The following PPM1B variants were observed in gnomAD, a reference collection of about 807,000 sequenced individuals.
The protein encoded by PPM1B is protein phosphatase 1B.
In PPM1B, 22 loss-of-function variants were observed where a neutral mutation model predicts 43.0. That is an observed-to-expected ratio of 0.51 (90% CI 0.37 to 0.73). The LOEUF (loss-of-function observed/expected upper bound fraction) is 0.73. PPM1B is among the 30% of genes least tolerant of loss of function. PPM1B has a pLI of 0.00. For synonymous variants in PPM1B, 217 were observed against 197.9 expected (o/e 1.10, Z -0.81); for missense variants, 632 against 584.2 (o/e 1.08, Z -0.84).
At chr2:44,205,551 C>G (rs2104153805) in intron 2 of PPM1B, among the ~76,000 whole-genome samples, 1 of 152,144 alleles carries the variant, frequency 6.6e-6, no homozygotes, top group Non-Finnish European at 1.5e-5. Flanking sequence ...TCATGGTTTG[C>G]TGTATATCTT....
At chr2:44,174,240 G>A (rs371443177) in intron 1 of PPM1B, among the ~76,000 whole-genome samples, 4 of 152,062 alleles carry the variant, frequency 2.6e-5, no homozygotes, top group Admixed American at 2.0e-4. Flanking sequence ...TTAAAGTTTA[G>A]AAACATAACA....
intron 1 of PPM1B, among the ~76,000 whole-genome samples, chr2:44,183,304 C>G (rs1444899094): frequency 6.6e-6 from 1 of 152,168 alleles, no homozygotes; most frequent in African/African-American, 2.4e-5. Flanking sequence ...GTATTACTTG[C>G]CAAGTGACAT....
At chr2:44,219,040 G>GTTGAACAGAAAGGT in intron 5 of PPM1B, 1 of 305,774 alleles carries the variant, frequency 3.3e-6, no homozygotes, top group South Asian at 2.7e-5. Context: ...GTTGAGCTGA[G>GTTGAACAGAAAGGT]ATAACCATTT....
intron 1 of PPM1B, among the ~76,000 whole-genome samples, chr2:44,172,217 C>G (rs1019694068): frequency 1.3e-5 from 2 of 151,738 alleles, no homozygotes; most frequent in Non-Finnish European, 2.9e-5. Flanking sequence ...TTTGTTTTTC[C>G]CTTGCTGAAT....
intron 5 of PPM1B, among the ~76,000 whole-genome samples, chr2:44,243,225 G>A (rs1283129145): frequency 6.6e-6 from 1 of 152,120 alleles, no homozygotes; most frequent in Non-Finnish European, 1.5e-5. Context: ...GTATAAGAGA[G>A]CTCTCCTTGG....
intron 1 of PPM1B, among the ~76,000 whole-genome samples, chr2:44,190,888 A>C (rs1668375877): frequency 6.6e-6 from 1 of 152,206 alleles, no homozygotes; most frequent in African/African-American, 2.4e-5. Context: ...ATAAGATTTT[A>C]CTGAGACATG....
At chr2:44,232,230 C>T (rs1243998931), downstream of PPM1B, 10 of 1,534,802 alleles carry the variant, frequency 6.5e-6, no homozygotes, top group East Asian at 9.0e-5. Context: ...GTAATTTGTT[C>T]ATCAATTTTG....
At chr2:44,208,143 C>A (rs1416635499) in intron 2 of PPM1B, among the ~76,000 whole-genome samples, 1 of 151,972 alleles carries the variant, frequency 6.6e-6, no homozygotes, top group Non-Finnish European at 1.5e-5. Flanking sequence ...CCTCCTCAGC[C>A]TCCCAAAGTG....
intron 3 of PPM1B, among the ~76,000 whole-genome samples, chr2:44,210,446 C>G (rs1231070020): frequency 1.3e-5 from 2 of 152,072 alleles, no homozygotes; most frequent in Non-Finnish European, 2.9e-5. Context: ...TCTCAAACTC[C>G]TGGACTCAAG....
chr2:44,244,260 T>A lies in PPM1B; in HGVS notation n.1579T>A, dbSNP rs749118928. 10 of 1,356,522 alleles carry A rather than the reference T, an allele frequency of 7.4e-6. No homozygotes were observed. In the African/African-American group the frequency reaches 1.2e-4, roughly 16 times the overall value. The allele number at this position is 1,356,522 out of a possible 1,614,324, so 84.0% of individuals were successfully genotyped here. ...TCTTGGGCACGTCCATCTGTAAACC[T>A]GCTGAGAGCTCTGGTGACAAGAAAG... On this transcript the variant is annotated non_coding_transcript_exon_variant, in exon 6 of 6. Coordinates refer to the PPM1B transcript ENST00000378540.
chr2:44,213,013 C>CAAA (rs57091283), intron 3 of PPM1B, among the ~76,000 whole-genome samples: 8 of 65,314 alleles, frequency 1.2e-4, no homozygotes, highest in African/African-American at 2.4e-4. Flanking sequence ...ACTCCGTTTC[C>CAAA]AAAAAAAAAA....
chr2:44,227,277 G>C (rs954619769), intron 5 of PPM1B, among the ~76,000 whole-genome samples: 1 of 152,116 alleles, frequency 6.6e-6, no homozygotes, highest in Non-Finnish European at 1.5e-5. Flanking sequence ...CCCTGGATGA[G>C]AAACTTTATT....
At chr2:44,199,315 AAATAAAAAT>A (rs1558406262) in intron 1 of PPM1B, among the ~76,000 whole-genome samples, 3 of 97,998 alleles carry the variant, frequency 3.1e-5, no homozygotes, top group Non-Finnish European at 4.2e-5. Context: ...AAAAAAAAAA[AAATAAAAAT>A]AAAAAAAAAA....
intron 1 of PPM1B, among the ~76,000 whole-genome samples, chr2:44,171,267 T>C (rs181094511): frequency 2.2e-4 from 33 of 152,338 alleles, no homozygotes; most frequent in Non-Finnish European, 3.4e-4. Flanking sequence ...TACTGTTTTA[T>C]GTTAGTAATT....
chr2:44,172,959 G>C (rs539076094), intron 1 of PPM1B, among the ~76,000 whole-genome samples: 1 of 152,186 alleles, frequency 6.6e-6, no homozygotes, highest in Non-Finnish European at 1.5e-5. Context: ...CATTTGATTT[G>C]AGATGATTGA....
intron 1 of PPM1B, among the ~76,000 whole-genome samples, chr2:44,173,103 A>G (rs1239127938): frequency 6.6e-6 from 1 of 152,226 alleles, no homozygotes; most frequent in Non-Finnish European, 1.5e-5. Context: ...TCACTTGAGA[A>G]CAGCCTGGCC....
At chr2:44,172,517 T>G (rs1260337573) in intron 1 of PPM1B, among the ~76,000 whole-genome samples, 1 of 152,226 alleles carries the variant, frequency 6.6e-6, no homozygotes, top group Non-Finnish European at 1.5e-5. Flanking sequence ...ATAATGTGTA[T>G]TTTTTCTTTG....
At chr2:44,226,967 T>G (rs1572754683) in intron 5 of PPM1B, among the ~76,000 whole-genome samples, 5 of 141,992 alleles carry the variant, frequency 3.5e-5, no homozygotes, top group African/African-American at 1.3e-4. Context: ...TTTATTTATT[T>G]ATTTATGAAT....
chr2:44,181,785 G>T (rs1667886514), intron 1 of PPM1B, among the ~76,000 whole-genome samples: 1 of 152,154 alleles, frequency 6.6e-6, no homozygotes, highest in East Asian at 1.9e-4. Flanking sequence ...ACCAAGCTTT[G>T]TGTTTAAAAT....
Sources: gnomAD v4.1 joint callset for allele counts (sites outside exome capture counted in the v4.1 genomes callset) on GRCh38, gnomAD v4.1.1 for gene constraint, MANE v1.5 for transcripts, NCBI Gene and HGNC (gene_info 2026-07-23, HGNC 2026-07-21) for gene names.